PTPRD: variants seen among roughly 807,000 people sequenced by gnomAD.
PTPRD encodes receptor-type tyrosine-protein phosphatase delta.
A neutral mutation model predicts 214.5 loss-of-function variants in PTPRD; 34 were observed. The ratio of observed to expected loss-of-function variants is 0.16; its 90% CI spans 0.12 to 0.21. The LOEUF (loss-of-function observed/expected upper bound fraction) is 0.21, where lower values mean the gene tolerates loss of function less well. PTPRD is among the 10% of genes least tolerant of loss of function. PTPRD has a pLI of 1.00. For synonymous variants in PTPRD, 1,128 were observed against 845.7 expected (o/e 1.33, Z -5.79); for missense variants, 2,545 against 2,398.7 (o/e 1.06, Z -1.27).
At chr9:9,793,015 C>G (rs2098978031) in intron 5 of PTPRD, among the ~76,000 whole-genome samples, 1 of 151,938 alleles carries the variant, frequency 6.6e-6, no homozygotes, top group African/African-American at 2.4e-5. Context: ...AAAATTGGCC[C>G]ATTTATTGTA....
intron 2 of PTPRD, among the ~76,000 whole-genome samples, chr9:10,504,143 A>AAAAAAAAAAAAAAT: frequency 7.0e-6 from 1 of 143,352 alleles, no homozygotes. Context: ...AAAAAAAAAG[A>AAAAAAAAAAAAAAT]TGTACGGGGA....
chr9:9,579,196 A>G (rs2154310215), intron 7 of PTPRD, among the ~76,000 whole-genome samples: 1 of 152,262 alleles, frequency 6.6e-6, no homozygotes, highest in South Asian at 2.1e-4. Flanking sequence ...TGAGTCTAAT[A>G]TCATCTTAGT....
chr9:10,414,249 T>G (rs560858888), intron 2 of PTPRD, among the ~76,000 whole-genome samples: 47 of 150,782 alleles, frequency 3.1e-4, no homozygotes, highest in South Asian at 2.7e-3. Flanking sequence ...GAACTTAAAA[T>G]AAAAATTAAA....
chr9:10,196,840 C>CA (rs5896379), intron 3 of PTPRD, among the ~76,000 whole-genome samples: 57,255 of 151,792 alleles, frequency 0.38, 11,284 homozygotes, highest in African/African-American at 0.49. Flanking sequence ...GTGATTAGGC[C>CA]ACATGGGCAC....
intron 11 of PTPRD, among the ~76,000 whole-genome samples, chr9:8,875,308 G>C (rs775840858): frequency 6.5e-4 from 99 of 152,240 alleles, no homozygotes; most frequent in African/African-American, 2.3e-3. Flanking sequence ...GGAGGATCCC[G>C]TGAGCCCAGG....
At position 10,125,421 on chromosome 9, in the gene PTPRD, ATTT is replaced by A. The variant is rs1203150288; in HGVS notation, c.-544-91634_-544-91632del. On this transcript the variant is annotated intron_variant, in intron 3 of 45. Coordinates refer to ENST00000381196, the MANE Select transcript of PTPRD (RefSeq NM_002839.4). ...TTTTTATTTTTATTTATTTTGTTTTATTTTATTATTATTATTATTATTATTATT... is the reference window on the plus strand; with the variant it reads ...TTTTTATTTTTATTTATTTTGTTTTATATTATTATTATTATTATTATTATT... 3.3e-5 allele frequency among the ~76,000 whole-genome samples: 4 copies of A among 122,198 alleles called. No homozygotes were observed. The South Asian group carries it at 1.1e-3, about 33-fold the overall frequency. 80.2% of individuals were successfully genotyped at this position (122,198 alleles called of 152,430 possible).
intron 12 of PTPRD, among the ~76,000 whole-genome samples, chr9:8,704,513 T>C (rs2098159091): frequency 6.6e-6 from 1 of 152,114 alleles, no homozygotes; most frequent in African/African-American, 2.4e-5. Context: ...TATCATGAAC[T>C]TGAAAATGGA....
At chr9:9,322,350 T>A (rs752082455) in intron 9 of PTPRD, among the ~76,000 whole-genome samples, 1 of 152,168 alleles carries the variant, frequency 6.6e-6, no homozygotes, top group Non-Finnish European at 1.5e-5. Flanking sequence ...CATACATAAT[T>A]CACAATTTTC....
At chr9:9,762,686 C>A (rs943084812) in intron 6 of PTPRD, among the ~76,000 whole-genome samples, 6 of 152,342 alleles carry the variant, frequency 3.9e-5, no homozygotes, top group Middle Eastern at 3.4e-3. Context: ...CTCATTTCTA[C>A]ATAAGACTTC....
chr9:10,190,763 C>T (rs80088187), intron 3 of PTPRD, among the ~76,000 whole-genome samples: 565 of 141,078 alleles, frequency 4.0e-3, no homozygotes, highest in African/African-American at 0.015. Context: ...GTGTTCAGAT[C>T]AGCATTTTAG....
At position 10,373,144 on chromosome 9, in the gene PTPRD, T is replaced by TTA. The variant is rs1300764531; in HGVS notation, c.-599-32128_-599-32127insTA. On this transcript the variant is annotated intron_variant, in intron 2 of 45. Transcript: ENST00000381196. ...ACTGTGCCCGGCCTGTCTTTATACT[T>TTA]AAAAAAAAAAAAAAAATTGATGAAG... 1.9e-4 allele frequency among the ~76,000 whole-genome samples: 26 copies of TTA among 137,858 alleles called. No individual in the cohort carries two copies. The South Asian group carries it at 3.6e-3, about 19-fold the overall frequency. The allele number at this position is 137,858 out of a possible 152,430, so 90.4% of individuals were successfully genotyped here.
chr9:9,126,114 T>G (rs1247453575), intron 10 of PTPRD, among the ~76,000 whole-genome samples: 1 of 152,164 alleles, frequency 6.6e-6, no homozygotes, highest in African/African-American at 2.4e-5. Flanking sequence ...AAAGGAAAGC[T>G]AGGAGTTAGG....
intron 4 of PTPRD, among the ~76,000 whole-genome samples, chr9:10,033,259 AAC>A (rs1200840693): frequency 1.3e-5 from 2 of 151,822 alleles, no homozygotes; most frequent in East Asian, 3.9e-4. Context: ...GTAAGAGAGA[AAC>A]AATGCATTGA....
At chr9:8,450,295 G>C (rs1213103639) in intron 33 of PTPRD, among the ~76,000 whole-genome samples, 1 of 152,140 alleles carries the variant, frequency 6.6e-6, no homozygotes, top group Non-Finnish European at 1.5e-5. Context: ...GTATATATAA[G>C]TGGTGACTAC....
At chr9:10,087,137 G>GTT (rs5896366) in intron 3 of PTPRD, among the ~76,000 whole-genome samples, 1,668 of 146,624 alleles carry the variant, frequency 0.011, 12 homozygotes, top group South Asian at 0.022. Context: ...ATGTTTTAGA[G>GTT]TTTTTTTTTT....
intron 14 of PTPRD, among the ~76,000 whole-genome samples, chr9:8,596,673 T>C (rs1043819976): frequency 6.6e-6 from 1 of 152,126 alleles, no homozygotes; most frequent in Non-Finnish European, 1.5e-5. Context: ...TTACAATATA[T>C]ACAATAGTAC....
rs895532743 is a variant in PTPRD, at chr9:9,729,117, G to A, written c.-287+5416C>T. Among the ~76,000 whole-genome samples the A allele has an allele frequency of 6.6e-5, 10 of 152,116 alleles. No homozygotes were observed. In the East Asian group the frequency reaches 1.7e-3, roughly 26 times the overall value. The stretch of plus-strand genomic sequence containing the variant: ...CATAATAGCTCCCATTTCCGTTTGA[G>A]TAGTTTGGGCGGGCTTTATGCTGCT... On this transcript the variant is annotated intron_variant, in intron 7 of 45. Coordinates refer to ENST00000381196, the MANE Select transcript of PTPRD (RefSeq NM_002839.4).
intron 12 of PTPRD, among the ~76,000 whole-genome samples, chr9:8,666,414 T>A (rs113603662): frequency 0.02 from 3,102 of 152,208 alleles, 101 homozygotes; most frequent in African/African-American, 0.07. Context: ...AAAAATCTTA[T>A]GTGAAAGGGA....
rs371355761 is a variant in PTPRD at position 8,690,449 on chromosome 9, CCA to C, written c.64+43329_64+43330del. ...GGCTGAGGCAGGAGAACGGCATGAA[CCA>C]CCAGGAGGGAGAGCTTGCACTGAGC... On this transcript the variant is annotated intron_variant, in intron 12 of 45. Coordinates refer to ENST00000381196, the MANE Select transcript of PTPRD (RefSeq NM_002839.4). Among the ~76,000 whole-genome samples the C allele has an allele frequency of 6.1e-4, 93 of 151,224 alleles. 1 individual carries two copies. The highest frequency in any genetic ancestry group is 2.2e-3 in the African/African-American group (90 of 41,090).
Sources: gnomAD v4.1 joint callset for allele counts (sites outside exome capture counted in the v4.1 genomes callset) on GRCh38, gnomAD v4.1.1 for gene constraint, MANE v1.5 for transcripts, NCBI Gene and HGNC (gene_info 2026-07-23, HGNC 2026-07-21) for gene names.